The following BDH2 variants were observed in gnomAD, a reference collection of about 807,000 sequenced individuals.
The protein encoded by BDH2 is 3-hydroxybutyrate dehydrogenase 2.
A neutral mutation model predicts 33.2 loss-of-function variants in BDH2; 24 were observed. That is an observed-to-expected ratio of 0.72 (90% confidence interval 0.52 to 1.02). The LOEUF is 1.02. Ranked by LOEUF, BDH2 falls within the 50% of genes least tolerant of loss-of-function variation. The probability of loss-of-function intolerance (pLI) is 0.00; values close to 1 mark genes in which losing one functional copy is unlikely to be tolerated. For synonymous variants in BDH2, 81 were observed against 101.6 expected (o/e 0.80, Z 1.22); for missense variants, 249 against 301.6 (o/e 0.83, Z 1.29).
At chr4:103,093,729 CATATA>C (rs936110267) in intron 3 of BDH2, among the ~76,000 whole-genome samples, 5 of 145,344 alleles carry the variant, frequency 3.4e-5, no homozygotes, top group Admixed American at 1.4e-4. Context: ...ATGTATAATA[CATATA>C]ATATATAATT....
intron 1 of BDH2, chr4:103,098,848 T>C (rs1387838414): frequency 6.6e-6 from 1 of 152,186 alleles, no homozygotes; most frequent in East Asian, 1.9e-4. Context: ...AGTCTGCTTC[T>C]TGGAGGAGCA....
chr4:103,092,830 G>T, intron 3 of BDH2, 134 bp from the exon 4 acceptor site: 3 of 697,204 alleles, frequency 4.3e-6, no homozygotes, highest in South Asian at 3.2e-5. Context: ...TCTTACTAGG[G>T]TCTTAAGAAT....
chr4:103,094,002 C>G (rs77507736), intron 3 of BDH2, among the ~76,000 whole-genome samples: 2,701 of 152,150 alleles, frequency 0.018, 71 homozygotes, highest in African/African-American at 0.059. Flanking sequence ...GTAACCTGTT[C>G]TATTTTGCTG....
intron 5 of BDH2, among the ~76,000 whole-genome samples, chr4:103,088,473 C>A: frequency 6.6e-6 from 1 of 152,168 alleles, no homozygotes; most frequent in Non-Finnish European, 1.5e-5. Context: ...CAACCGAGGT[C>A]CCTCTGCTGC....
At chr4:103,088,594 G>A (rs1747918990) in intron 5 of BDH2, among the ~76,000 whole-genome samples, 1 of 152,154 alleles carries the variant, frequency 6.6e-6, no homozygotes, top group Admixed American at 6.5e-5. Context: ...AGCCTTCTCT[G>A]GCAGGCATGA....
rs1463858353 is a variant in BDH2, at chr4:103,085,362, G to A, written c.519C>T (p.Asn173=). The A allele has an allele frequency of 1.9e-6, 3 of 1,610,316 alleles. No individual in the cohort carries two copies. The highest frequency in any genetic ancestry group is 2.1e-4 in the Middle Eastern group (1 of 4,698). The change falls in exon 7 of 10, where the codon AAC becomes AAT. Residue 173 remains asparagine, a synonymous_variant. Coordinates refer to ENST00000296424, the MANE Select transcript of BDH2 (RefSeq NM_020139.4). Reference sequence around the variant, plus strand: ...TGCCTTACTCACCTGGGCACACACAGTTGCACCTGATGCCCTGCTGGATGA... The same window carrying A: ...TGCCTTACTCACCTGGGCACACACAATTGCACCTGATGCCCTGCTGGATGA... The part of the protein sequence containing the change: ...ADFIQQGIRC[N]CVCPGTVDTP...
intron 6 of BDH2, 155 bp from the exon 7 acceptor site, chr4:103,085,617 A>C (rs534870835): frequency 4.7e-6 from 7 of 1,482,558 alleles, no homozygotes; most frequent in Middle Eastern, 1.7e-4. Context: ...TTTTCCTTCA[A>C]TAGAGTCAGT....
intron 8 of BDH2, among the ~76,000 whole-genome samples, 187 bp downstream of exon 8, chr4:103,082,684 G>A (rs545957427): frequency 6.6e-6 from 1 of 152,156 alleles, no homozygotes; most frequent in African/African-American, 2.4e-5. Flanking sequence ...AGCTTCCCAA[G>A]CAGAACTCTT....
chr4:103,096,327 G>T, intron 1 of BDH2, 53 bp from the exon 2 acceptor site: 1 of 1,168,404 alleles, frequency 8.6e-7, no homozygotes. Flanking sequence ...TCTTGAGCAG[G>T]CAGTAACATC....
chr4:103,085,179 G>A (rs975502702), intron 7 of BDH2, among the ~76,000 whole-genome samples, 170 bp downstream of exon 7: 33 of 152,170 alleles, frequency 2.2e-4, no homozygotes, highest in African/African-American at 7.7e-4. Context: ...TCTTGGTAAA[G>A]AGGCAGACAA....
chr4:103,079,601 T>A lies in BDH2; in HGVS notation c.*101A>T. 2.6e-6 allele frequency: 3 copies of A among 1,140,188 alleles called. No individual in the cohort carries two copies. In the South Asian group the frequency reaches 3.9e-5, roughly 15 times the overall value. 70.6% of individuals were successfully genotyped at this position (1,140,188 alleles called of 1,614,324 possible). ...TAAAAAGAGCTTATTTTCATTAACA[T>A]GTGATTAACAGGAAGGAGATGATTG... On this transcript the variant is annotated 3_prime_UTR_variant, in exon 10 of 10. Coordinates refer to ENST00000296424, the MANE Select transcript of BDH2 (RefSeq NM_020139.4).
At chr4:103,083,005 A>G in intron 7 of BDH2, 76 bp from the exon 8 acceptor site, 1 of 1,298,040 alleles carries the variant, frequency 7.7e-7, no homozygotes, top group Non-Finnish European at 1.1e-6. Flanking sequence ...CTTCCTTTCC[A>G]TATGACAATC....
chr4:103,095,158 C>A, intron 3 of BDH2, 45 bp downstream of exon 3: 1 of 1,490,914 alleles, frequency 6.7e-7, no homozygotes, highest in Non-Finnish European at 9.4e-7. Flanking sequence ...CTTTATAATA[C>A]CTTGCAGACA....
intron 1 of BDH2, among the ~76,000 whole-genome samples, chr4:103,097,474 C>A (rs1748467255): frequency 6.6e-6 from 1 of 152,194 alleles, no homozygotes; most frequent in Non-Finnish European, 1.5e-5. Context: ...AGGCTGTCTT[C>A]AAGGACACAG....
intron 2 of BDH2, 74 bp from the exon 3 acceptor site, chr4:103,095,355 G>A (rs1254538585): frequency 2.7e-6 from 3 of 1,105,738 alleles, no homozygotes; most frequent in African/African-American, 1.6e-5. Flanking sequence ...ACATCATGTG[G>A]TCTTTTTCTC....
At position 103,092,716 on chromosome 4, in the gene BDH2, G is replaced by A. The variant is rs771987256; in HGVS notation, c.152-20C>T. On this transcript the variant is annotated intron_variant, in intron 3 of 9. Transcript: ENST00000296424. The stretch of plus-strand genomic sequence containing the variant: ...GAATACCTGAAAAATAAAACAAGAG[G>A]CACTATTCCTAAAAATGTTTAGCCT... The A allele has an allele frequency of 3.9e-6, 6 of 1,530,874 alleles. No homozygotes were observed. The highest frequency in any genetic ancestry group is 3.4e-5 in the Admixed American group (2 of 59,624). 94.8% of individuals were successfully genotyped at this position (1,530,874 alleles called of 1,614,324 possible). A position where few individuals can be genotyped will look rare whatever the true frequency, so the allele number is the denominator to read the frequency against.
At chr4:103,080,287 A>C (rs764515487) in intron 9 of BDH2, among the ~76,000 whole-genome samples, 6 of 152,200 alleles carry the variant, frequency 3.9e-5, no homozygotes, top group Admixed American at 3.9e-4. Flanking sequence ...AATGATAATA[A>C]CTATAATCCA....
chr4:103,089,539 T>C (rs1747969503), intron 5 of BDH2, among the ~76,000 whole-genome samples: 1 of 152,238 alleles, frequency 6.6e-6, no homozygotes. Flanking sequence ...GCAAACTCAC[T>C]AGTTTGCAAG....
At chr4:103,085,559 T>C in intron 6 of BDH2, 97 bp from the exon 7 acceptor site, 36 of 1,426,558 alleles carry the variant, frequency 2.5e-5, no homozygotes, top group Non-Finnish European at 3.3e-5. Context: ...GCCATTTTCA[T>C]GCTTTCTCCC....
Sources: allele counts gnomAD v4.1 joint callset (sites outside exome capture counted in the v4.1 genomes callset), GRCh38; gene constraint gnomAD v4.1.1; transcripts MANE v1.5; gene names NCBI Gene and HGNC (gene_info 2026-07-23, HGNC 2026-07-21).